EPS15L1: variants seen among roughly 807,000 people sequenced by gnomAD.
The protein encoded by EPS15L1 is epidermal growth factor receptor pathway substrate 15 like 1.
Under a neutral mutation model 117.1 loss-of-function variants are expected in EPS15L1, and 43 were observed. That is an observed-to-expected ratio of 0.37 (90% CI 0.29 to 0.47). The LOEUF (loss-of-function observed/expected upper bound fraction) is 0.47, where lower values mean the gene tolerates loss of function less well. EPS15L1 is among the 20% of genes least tolerant of loss of function. The pLI is 0.99. For missense variants in EPS15L1, 981 were observed against 1,164.0 expected, an observed-to-expected ratio of 0.84 and a Z score of 2.29; for synonymous variants, 459 against 470.5, an observed-to-expected ratio of 0.98 and a Z score of 0.32.
chr19:16,366,995 G>A (rs1160621020), intron 22 of EPS15L1, among the ~76,000 whole-genome samples: 1 of 152,032 alleles, frequency 6.6e-6, no homozygotes, highest in African/African-American at 2.4e-5. Flanking sequence ...CTGCCTCCAG[G>A]CCCTGAAGCA....
At chr19:16,408,066 A>C (rs918376377) in intron 13 of EPS15L1, among the ~76,000 whole-genome samples, 5 of 152,206 alleles carry the variant, frequency 3.3e-5, no homozygotes, top group African/African-American at 4.8e-5. Context: ...AGGGAAGGGA[A>C]GATGGGAAGA....
chr19:16,393,826 G>T (rs530299524), intron 18 of EPS15L1, 125 bp downstream of exon 18: 1 of 975,976 alleles, frequency 1.0e-6, no homozygotes. Flanking sequence ...ATGGATGGAC[G>T]GCCGTCCTTC....
At chr19:16,448,826 T>C (rs2093111937) in intron 1 of EPS15L1, among the ~76,000 whole-genome samples, 1 of 151,208 alleles carries the variant, frequency 6.6e-6, no homozygotes, top group African/African-American at 2.4e-5. Context: ...CAAGACTCCG[T>C]CTCAAAAAAA....
At position 16,404,001 on chromosome 19, in the gene EPS15L1, T is replaced by A. The variant is rs2144837928; in HGVS notation, c.1429-71A>T. 2 of 1,397,552 alleles carry A rather than the reference T, an allele frequency of 1.4e-6. No homozygotes were observed. The highest frequency in any genetic ancestry group is 2.0e-6 in the Non-Finnish European group (2 of 1,010,850). 86.6% of individuals were successfully genotyped at this position (1,397,552 alleles called of 1,614,324 possible). A position where few individuals can be genotyped will look rare whatever the true frequency, so the allele number is the denominator to read the frequency against. On this transcript the variant is annotated intron_variant, in intron 14 of 23. Coordinates refer to ENST00000455140, the MANE Select transcript of EPS15L1 (RefSeq NM_001258374.3). This position sits in a 1 kb window ranked among gnomAD's most constrained non-coding sequence, Gnocchi z 4.2. The stretch of plus-strand genomic sequence containing the variant: ...ATGAAATGGGACTCCGAGAAAGAAC[T>A]CTTAGCCCCCATCCCCGAAACAAGC...
intron 9 of EPS15L1, among the ~76,000 whole-genome samples, chr19:16,422,164 G>C (rs1271431245): frequency 6.6e-6 from 1 of 152,194 alleles, no homozygotes; most frequent in Non-Finnish European, 1.5e-5. Context: ...CCCTGGGGCT[G>C]GGTCACCCGC....
In EPS15L1 at chr19:16,432,772, CAAACA is replaced by C. The variant is rs764705945; in HGVS notation, c.498+1588_498+1592del. Among the ~76,000 whole-genome samples, 623 of 151,864 alleles carry C rather than the reference CAAACA, an allele frequency of 4.1e-3. 6 individuals carry two copies. Among genetic ancestry groups the C allele is most frequent in the Non-Finnish European group, 3.5e-3 (238 of 67,940 alleles). On this transcript the variant is annotated intron_variant, in intron 7 of 23. Coordinates refer to ENST00000455140, the MANE Select transcript of EPS15L1 (RefSeq NM_001258374.3). ...GGTGACAGAGCGAGACTCTGTCTCA[CAAACA>C]AAACAAAACAAAACAAAAAATTAAT... is the stretch of plus-strand genomic sequence containing the variant.
Position 16,383,281 on chromosome 19 carries a change from G to A in EPS15L1, c.2247+1848C>T, listed in dbSNP as rs1251653918. 1 of 152,212 alleles carries A rather than the reference G, an allele frequency of 6.6e-6. No individual in the cohort carries two copies. The highest frequency in any genetic ancestry group is 1.9e-4 in the East Asian group (1 of 5,196). 9.4% of individuals were successfully genotyped at this position (152,212 alleles called of 1,614,324 possible). ...AAGAGCCCCTGGTTTCAGGGCCCAA[G>A]GACAGGCAGAGGGCGGTCATTAGAT... On this transcript the variant is annotated intron_variant, in intron 21 of 23. Transcript: ENST00000455140. This position sits in a 1 kb window ranked among gnomAD's most constrained non-coding sequence, Gnocchi z 5.2.
At position 16,431,428 on chromosome 19, in the gene EPS15L1, C is replaced by A. The variant is rs564944781; in HGVS notation, c.499-2667G>T. On this transcript the variant is annotated intron_variant, in intron 7 of 23. Coordinates refer to ENST00000455140, the MANE Select transcript of EPS15L1 (RefSeq NM_001258374.3). Reference sequence around the variant, plus strand: ...AAGCGATTCTCCTGCCTCAGCTTCCCGAGTCGCTGGGACTACATGAGTGTG... The same window carrying A: ...AAGCGATTCTCCTGCCTCAGCTTCCAGAGTCGCTGGGACTACATGAGTGTG... Among the ~76,000 whole-genome samples the A allele has an allele frequency of 7.9e-5, 12 of 151,428 alleles. No homozygotes were observed. The South Asian group carries it at 2.3e-3, about 29-fold the overall frequency.
At chr19:16,373,127 G>A (rs2092247965) in intron 22 of EPS15L1, among the ~76,000 whole-genome samples, 2 of 152,160 alleles carry the variant, frequency 1.3e-5, no homozygotes, top group Admixed American at 6.5e-5. Context: ...AGGTGTCAAC[G>A]CTGTGTGCAT....
In EPS15L1 at chr19:16,401,544, C is replaced by T. The variant is rs949905797; in HGVS notation, c.1791+777G>A. On this transcript the variant is annotated intron_variant, in intron 16 of 23. Coordinates refer to ENST00000455140, the MANE Select transcript of EPS15L1 (RefSeq NM_001258374.3). ...CCAGACATGCGCGGCCCGGCCCATCCGCTCCCGGAACAGCACCAAGACGAA... is the reference window on the plus strand; with the variant it reads ...CCAGACATGCGCGGCCCGGCCCATCTGCTCCCGGAACAGCACCAAGACGAA... The T allele has an allele frequency of 8.1e-6, 8 of 985,606 alleles. No homozygotes were observed. In the East Asian group the frequency reaches 3.4e-4, roughly 42 times the overall value. 61.1% of individuals were successfully genotyped at this position (985,606 alleles called of 1,614,324 possible). A position where few individuals can be genotyped will look rare whatever the true frequency, so the allele number is the denominator to read the frequency against.
rs950578901 is a variant in EPS15L1 at position 16,386,342 on chromosome 19, G to A, written c.2104-111C>T. 8 of 827,176 alleles carry A rather than the reference G, an allele frequency of 9.7e-6. No homozygotes were observed. In the African/African-American group the frequency reaches 1.4e-4, roughly 14 times the overall value. The allele number at this position is 827,176 out of a possible 1,614,324, so 51.2% of individuals were successfully genotyped here. On this transcript the variant is annotated intron_variant, in intron 19 of 23. Transcript: ENST00000455140. ...GTACAACATCCAGTGCTGAGCCAGAGGGAAAGTGGAATGATTAAAACTCAA... is the reference window on the plus strand; with the variant it reads ...GTACAACATCCAGTGCTGAGCCAGAAGGAAAGTGGAATGATTAAAACTCAA...
At chr19:16,438,961 T>C (rs1311154879) in intron 4 of EPS15L1, among the ~76,000 whole-genome samples, 3 of 152,072 alleles carry the variant, frequency 2.0e-5, no homozygotes, top group Non-Finnish European at 4.4e-5. Flanking sequence ...GGACCCCACC[T>C]AGACACGGGA....
intron 1 of EPS15L1, among the ~76,000 whole-genome samples, chr19:16,467,183 G>A (rs964538973): frequency 3.4e-5 from 5 of 148,122 alleles, no homozygotes; most frequent in African/African-American, 1.3e-4. Flanking sequence ...GTGTCACTTT[G>A]TTGCCCAGGC....
intron 5 of EPS15L1, among the ~76,000 whole-genome samples, 157 bp downstream of exon 5, chr19:16,437,613 T>A (rs2092990738): frequency 6.6e-6 from 1 of 152,204 alleles, no homozygotes; most frequent in South Asian, 2.1e-4. Context: ...ATAGTTCACT[T>A]TAAAATTATT....
chr19:16,380,926 T>C lies in EPS15L1; in HGVS notation c.2248-3672A>G, dbSNP rs550247328. Among the ~76,000 whole-genome samples, 55 of 152,334 alleles carry C rather than the reference T, an allele frequency of 3.6e-4. No homozygotes were observed. In the South Asian group the frequency reaches 3.9e-3, roughly 11 times the overall value. ...CACAGAGATATGGCTGCCTCGGACC[T>C]TGTGTAGTCCTAGAGTCGAGGTTGC... On this transcript the variant is annotated intron_variant, in intron 21 of 23. Transcript: ENST00000455140.
Position 16,424,212 on chromosome 19 carries a change from G to C in EPS15L1, c.792+871C>G, listed in dbSNP as rs575033636. On this transcript the variant is annotated intron_variant, in intron 9 of 23. Transcript: ENST00000455140. ...GCCCAGACAAGAGCATTGCTGGCCT[G>C]GAGATGAGGAAGTTGGAGTAGGGGG... 3.5e-4 allele frequency among the ~76,000 whole-genome samples: 53 copies of C among 152,328 alleles called. 1 individual carries two copies. Among genetic ancestry groups the C allele is most frequent in the African/African-American group, 1.3e-3 (52 of 41,578 alleles).
intron 10 of EPS15L1, among the ~76,000 whole-genome samples, chr19:16,418,581 CATG>C (rs1334823748): frequency 1.3e-5 from 2 of 152,070 alleles, no homozygotes; most frequent in East Asian, 3.9e-4. Context: ...GGGGTGTCAT[CATG>C]ATGAAGAAAG....
intron 21 of EPS15L1, among the ~76,000 whole-genome samples, chr19:16,382,806 C>T (rs573224685): frequency 2.1e-4 from 32 of 152,036 alleles, no homozygotes; most frequent in African/African-American, 7.7e-4. Flanking sequence ...AGTGCAGGCC[C>T]GAAGAGCCTC....
chr19:16,389,716 T>G lies in EPS15L1; in HGVS notation c.2103+2588A>C, dbSNP rs986613161. ...TGTATTTAGATGTATGAAATTCACA[T>G]GACGGCTATAACATAAGACATGCTG... is the stretch of plus-strand genomic sequence containing the variant. On this transcript the variant is annotated intron_variant, in intron 19 of 23. Coordinates refer to ENST00000455140, the MANE Select transcript of EPS15L1 (RefSeq NM_001258374.3). 4.6e-5 allele frequency among the ~76,000 whole-genome samples: 7 copies of G among 152,340 alleles called. No individual in the cohort carries two copies. The East Asian group carries it at 1.3e-3, about 29-fold the overall frequency.
Sources: allele counts gnomAD v4.1 joint callset (sites outside exome capture counted in the v4.1 genomes callset), GRCh38; gene constraint gnomAD v4.1.1; non-coding constraint Gnocchi (gnomAD v3.1); transcripts MANE v1.5; gene names NCBI Gene and HGNC (gene_info 2026-07-23, HGNC 2026-07-21).